The following ADCY1 variants were observed in gnomAD, a reference collection of about 807,000 sequenced individuals.
ADCY1 encodes the protein adenylate cyclase type 1.
In ADCY1, 28 loss-of-function variants were observed where a neutral mutation model predicts 105.4. The observed-to-expected ratio is 0.27, with a 90% confidence interval of 0.20 to 0.36. The LOEUF is 0.36. Among genes scored for constraint, ADCY1 ranks in the 10% least tolerant of loss-of-function variants. ADCY1 has a pLI of 1.00. For synonymous variants in ADCY1, 655 were observed against 623.8 expected (o/e 1.05, Z -0.75); for missense variants, 977 against 1,434.2 (o/e 0.68, Z 5.15).
intron 2 of ADCY1, among the ~76,000 whole-genome samples, chr7:45,609,920 A>C (rs534534872): frequency 9.5e-4 from 144 of 152,350 alleles, no homozygotes; most frequent in Non-Finnish European, 1.9e-3. Context: ...ACCAAGAAAG[A>C]ATGCCACATG....
intron 1 of ADCY1, among the ~76,000 whole-genome samples, chr7:45,577,555 T>G (rs1263964993): frequency 6.6e-6 from 1 of 152,228 alleles, no homozygotes; most frequent in East Asian, 1.9e-4. Context: ...CCATCCACTT[T>G]CTATTCAGAC....
At chr7:45,588,357 C>G (rs1295823271) in intron 1 of ADCY1, among the ~76,000 whole-genome samples, 2 of 152,152 alleles carry the variant, frequency 1.3e-5, no homozygotes, top group Non-Finnish European at 2.9e-5. Flanking sequence ...AGTCATTTCT[C>G]CAGGGAGCCC....
intron 2 of ADCY1, among the ~76,000 whole-genome samples, chr7:45,598,380 G>A (rs550206333): frequency 1.3e-5 from 2 of 152,288 alleles, no homozygotes; most frequent in East Asian, 3.9e-4. Context: ...GGGTGTGAAG[G>A]TTCTTTTAAC....
intron 6 of ADCY1, among the ~76,000 whole-genome samples, chr7:45,659,054 C>T (rs1795019501): frequency 6.6e-6 from 1 of 152,216 alleles, no homozygotes; most frequent in Non-Finnish European, 1.5e-5. Flanking sequence ...CTGTGCTGCC[C>T]TCTGGCCCCT....
At chr7:45,627,122 G>A (rs1166758496) in intron 4 of ADCY1, among the ~76,000 whole-genome samples, 2 of 152,224 alleles carry the variant, frequency 1.3e-5, no homozygotes, top group Admixed American at 1.3e-4. Context: ...TGACCTCACA[G>A]AAGTCTTTGT....
In ADCY1 at chr7:45,686,156, C is replaced by T. The variant is rs1784668676; in HGVS notation, c.2268C>T (p.Leu756=). Residue 756 remains leucine, a synonymous_variant, in exon 13 of 20, where the codon CTC becomes CTT. Transcript: ENST00000297323. This position sits in a 1 kb window ranked among gnomAD's most constrained non-coding sequence, Gnocchi z 4.3. ...RVSSLPKMIL[L]SGLTTSYILV... ...CCTCCTTGCCAAAAATGATCCTGCT[C>T]TCCGGGCTCACCACGTCCTACATCC... 6.2e-7 allele frequency: 1 copy of T among 1,614,078 alleles called. No individual in the cohort carries two copies. Among genetic ancestry groups the T allele is most frequent in the Admixed American group, 1.7e-5 (1 of 60,008 alleles).
chr7:45,636,294 T>G (rs1794397094), intron 4 of ADCY1, among the ~76,000 whole-genome samples: 1 of 152,252 alleles, frequency 6.6e-6, no homozygotes, highest in Admixed American at 6.5e-5. Flanking sequence ...CATCCTCCTC[T>G]ATATTTTAAG....
In ADCY1 at chr7:45,686,230, C is replaced by G; in HGVS notation, c.2327+15C>G. The G allele has an allele frequency of 6.2e-7, 1 of 1,609,166 alleles. No individual in the cohort carries two copies. Among genetic ancestry groups the G allele is most frequent in the Non-Finnish European group, 8.5e-7 (1 of 1,177,224 alleles). On this transcript the variant is annotated intron_variant, in intron 13 of 19. Coordinates refer to ENST00000297323, the MANE Select transcript of ADCY1 (RefSeq NM_021116.4). The surrounding 1 kb of genome is among the most constrained non-coding windows in gnomAD (Gnocchi z 4.3). The stretch of plus-strand genomic sequence containing the variant: ...ACCAGGACTGGGTAAGTGTGTGGCT[C>G]CTCAAGAAAAAGGCCTAAGCAGCGG...
At chr7:45,596,880 G>A (rs1793089113) in intron 2 of ADCY1, among the ~76,000 whole-genome samples, 1 of 152,214 alleles carries the variant, frequency 6.6e-6, no homozygotes, top group African/African-American at 2.4e-5. Context: ...TTGAGGGTCA[G>A]TGCACAGGTA....
intron 2 of ADCY1, among the ~76,000 whole-genome samples, chr7:45,604,632 T>C (rs1367651120): frequency 1.3e-5 from 2 of 152,168 alleles, no homozygotes; most frequent in African/African-American, 2.4e-5. Context: ...TTGTTGCGCA[T>C]ATTTGTGTGA....
At chr7:45,615,082 C>T (rs1793701154) in intron 3 of ADCY1, among the ~76,000 whole-genome samples, 1 of 152,180 alleles carries the variant, frequency 6.6e-6, no homozygotes, top group South Asian at 2.1e-4. Context: ...ACACATTCTT[C>T]TCAAGTGCAC....
At chr7:45,673,947 A>G (rs1300606794) in intron 8 of ADCY1, among the ~76,000 whole-genome samples, 1 of 114,280 alleles carries the variant, frequency 8.8e-6, no homozygotes, top group African/African-American at 3.2e-5. Flanking sequence ...ATTTTGGCAT[A>G]TGTTCATTCA....
chr7:45,598,864 AT>A (rs111531581), intron 2 of ADCY1, among the ~76,000 whole-genome samples: 3 of 152,318 alleles, frequency 2.0e-5, no homozygotes, highest in African/African-American at 7.2e-5. Flanking sequence ...CGGAGCTCGG[AT>A]TCCCACATCT....
In ADCY1 at chr7:45,593,219, G is replaced by T. The variant is rs78136564; in HGVS notation, c.789+311G>T. 7.0e-4 allele frequency among the ~76,000 whole-genome samples: 107 copies of T among 152,314 alleles called. 1 individual carries two copies. In the East Asian group the frequency reaches 0.019, roughly 27 times the overall value. ...CCCAGGGAGGACGAGGCAGGTCCTGGCTGGGCCTCGGATGAATGTGACCGT... is the reference window on the plus strand; with the variant it reads ...CCCAGGGAGGACGAGGCAGGTCCTGTCTGGGCCTCGGATGAATGTGACCGT... On this transcript the variant is annotated intron_variant, in intron 2 of 19. Transcript: ENST00000297323.
chr7:45,580,249 C>A (rs758757538), intron 1 of ADCY1, among the ~76,000 whole-genome samples: 20 of 152,214 alleles, frequency 1.3e-4, no homozygotes, highest in Non-Finnish European at 2.8e-4. Context: ...ATGTGCCCAG[C>A]AGGGGCTGCA....
At chr7:45,621,484 A>G (rs1461064552) in intron 3 of ADCY1, among the ~76,000 whole-genome samples, 2 of 152,368 alleles carry the variant, frequency 1.3e-5, no homozygotes, top group Admixed American at 6.5e-5. Flanking sequence ...CTTAAAAATT[A>G]TTATAAATGA....
chr7:45,655,356 T>A (rs1344087939), intron 5 of ADCY1, among the ~76,000 whole-genome samples: 1 of 152,160 alleles, frequency 6.6e-6, no homozygotes, highest in Non-Finnish European at 1.5e-5. Context: ...AGACTCTTCC[T>A]CTGCATAAAA....
At chr7:45,583,701 C>G (rs981810934) in intron 1 of ADCY1, among the ~76,000 whole-genome samples, 2 of 151,980 alleles carry the variant, frequency 1.3e-5, no homozygotes, top group African/African-American at 4.8e-5. Flanking sequence ...AGTGCAGTGG[C>G]GCTGTCTCGG....
In ADCY1 at chr7:45,657,904, GGGGAGGGGA is replaced by G; in HGVS notation, c.1307+26_1307+34del. The G allele has an allele frequency of 9.6e-6, 15 of 1,561,624 alleles. No homozygotes were observed. The highest frequency in any genetic ancestry group is 2.3e-5 in the East Asian group (1 of 43,478). ...TGCCAGGGTAAGTCGGGGATGGGGT[GGGGAGGGGA>G]GGGAGGTGGGTGATGGCTGTGCACC... On this transcript the variant is annotated intron_variant, in intron 6 of 19. Transcript: ENST00000297323.
Sources: allele counts gnomAD v4.1 joint callset (sites outside exome capture counted in the v4.1 genomes callset), GRCh38; gene constraint gnomAD v4.1.1; non-coding constraint Gnocchi (gnomAD v3.1); transcripts MANE v1.5; gene names NCBI Gene and HGNC (gene_info 2026-07-23, HGNC 2026-07-21).